RANBP17: variants seen among roughly 807,000 people sequenced by gnomAD.
The protein encoded by RANBP17 is RAN binding protein 17, also known as ran-binding protein 17.
A neutral mutation model predicts 141.2 loss-of-function variants in RANBP17; 158 were observed. The ratio of observed to expected loss-of-function variants is 1.12; its 90% CI spans 0.98 to 1.28. The LOEUF is 1.28. RANBP17 is among the 50% of genes most tolerant of loss of function. The pLI is 0.00. For missense variants in RANBP17, 1,438 were observed against 1,290.7 expected (o/e 1.11, Z -1.75); for synonymous variants, 430 against 450.0 (o/e 0.96, Z 0.56).
intron 13 of RANBP17, among the ~76,000 whole-genome samples, chr5:170,960,773 A>G (rs1349603321): frequency 6.6e-6 from 1 of 152,214 alleles, no homozygotes; most frequent in Non-Finnish European, 1.5e-5. Context: ...GATGAACAAC[A>G]TGGCTTATCA....
At chr5:171,118,137 G>A (rs1005945704) in intron 14 of RANBP17, among the ~76,000 whole-genome samples, 2 of 152,034 alleles carry the variant, frequency 1.3e-5, no homozygotes, top group African/African-American at 2.4e-5. Flanking sequence ...CTTACATTTA[G>A]GTCTTTGATC....
intron 18 of RANBP17, among the ~76,000 whole-genome samples, chr5:171,185,429 A>G (rs1761168968): frequency 6.6e-6 from 1 of 152,212 alleles, no homozygotes. Context: ...CATTTGACCC[A>G]CAGGAGAACT....
At chr5:170,932,648 C>T (rs1773491977) in intron 12 of RANBP17, among the ~76,000 whole-genome samples, 1 of 152,090 alleles carries the variant, frequency 6.6e-6, no homozygotes, top group African/African-American at 2.4e-5. Context: ...AAGGCCTTTT[C>T]TGCATCTATT....
At chr5:171,148,325 C>A (rs1419503893) in intron 14 of RANBP17, among the ~76,000 whole-genome samples, 1 of 152,034 alleles carries the variant, frequency 6.6e-6, no homozygotes, top group Non-Finnish European at 1.5e-5. Context: ...ACCTTCCCTC[C>A]ACTATTGTCC....
Position 170,893,717 on chromosome 5 carries a change from C to T in RANBP17, c.423+1164C>T, listed in dbSNP as rs191320529. Among the ~76,000 whole-genome samples, 1,138 of 151,644 alleles carry T rather than the reference C, an allele frequency of 7.5e-3. 13 individuals are homozygous for T. The highest frequency in any genetic ancestry group is 0.026 in the African/African-American group (1,073 of 41,332). On this transcript the variant is annotated intron_variant, in intron 4 of 27. Transcript: ENST00000523189. Reference sequence around the variant, plus strand: ...CTGAGGCAGGAGAATGGCGTGAACCCGGTAGACGGAGCTTGCAGTGAGCGG... The same window carrying T: ...CTGAGGCAGGAGAATGGCGTGAACCTGGTAGACGGAGCTTGCAGTGAGCGG...
chr5:171,090,208 G>T (rs1299966509), intron 14 of RANBP17, among the ~76,000 whole-genome samples: 1 of 152,180 alleles, frequency 6.6e-6, no homozygotes, highest in African/African-American at 2.4e-5. Context: ...ATAATGATAT[G>T]GACAGTGAAA....
chr5:171,037,229 T>C (rs1346109098), intron 14 of RANBP17, among the ~76,000 whole-genome samples: 1 of 152,162 alleles, frequency 6.6e-6, no homozygotes, highest in African/African-American at 2.4e-5. Context: ...CATGTGTTTG[T>C]TGGCTGCTTA....
At chr5:171,178,411 G>A (rs534090548) in intron 16 of RANBP17, among the ~76,000 whole-genome samples, 72 of 151,910 alleles carry the variant, frequency 4.7e-4, no homozygotes, top group African/African-American at 1.7e-3. Flanking sequence ...TTCTTTATCC[G>A]GTCTATCATT....
chr5:171,244,382 C>CA (rs996316508), intron 24 of RANBP17, among the ~76,000 whole-genome samples: 83 of 151,256 alleles, frequency 5.5e-4, no homozygotes, highest in Non-Finnish European at 2.1e-4. Context: ...ATCTCAAAAA[C>CA]AAAAAAAGGA....
chr5:171,174,749 A>C (rs1191262849), intron 16 of RANBP17, among the ~76,000 whole-genome samples: 1 of 91,284 alleles, frequency 1.1e-5, no homozygotes, highest in Non-Finnish European at 2.2e-5. Flanking sequence ...AAAAATATCT[A>C]GAGTGTGTGT....
intron 22 of RANBP17, among the ~76,000 whole-genome samples, chr5:171,234,217 A>G (rs1314774232): frequency 1.3e-5 from 2 of 152,202 alleles, no homozygotes; most frequent in Admixed American, 6.6e-5. Flanking sequence ...AGACCAGTCT[A>G]GGCTGAGGAA....
intron 14 of RANBP17, among the ~76,000 whole-genome samples, chr5:170,974,375 T>C (rs1213157473): frequency 1.3e-5 from 2 of 152,162 alleles, no homozygotes. Context: ...CAGCATTAAA[T>C]CTTCAGGCTC....
chr5:171,175,602 A>G (rs768225536), intron 16 of RANBP17, among the ~76,000 whole-genome samples: 2 of 152,140 alleles, frequency 1.3e-5, no homozygotes, highest in Non-Finnish European at 2.9e-5. Context: ...AAACAACCCC[A>G]TCAAAAAGTG....
At chr5:171,079,014 T>A (rs537793739) in intron 14 of RANBP17, among the ~76,000 whole-genome samples, 5 of 152,352 alleles carry the variant, frequency 3.3e-5, no homozygotes, top group African/African-American at 1.2e-4. Context: ...CAAAGTAAAT[T>A]GAAAACCTTC....
chr5:171,118,852 G>A (rs1487350186), intron 14 of RANBP17, among the ~76,000 whole-genome samples: 2 of 152,042 alleles, frequency 1.3e-5, no homozygotes, highest in Non-Finnish European at 2.9e-5. Context: ...CTGTATATAG[G>A]ATCATGTCAT....
chr5:171,186,521 A>ATTTT (rs1243325206), intron 18 of RANBP17, among the ~76,000 whole-genome samples: 6 of 29,510 alleles, frequency 2.0e-4, no homozygotes, highest in Admixed American at 9.5e-4. Flanking sequence ...CACTGGTATG[A>ATTTT]TTTTCTTTTT....
At position 171,236,153 on chromosome 5, in the gene RANBP17, G is replaced by T. The variant is rs1017011569; in HGVS notation, c.2423-4775G>T. On this transcript the variant is annotated intron_variant, in intron 22 of 27. Coordinates refer to ENST00000523189, the MANE Select transcript of RANBP17 (RefSeq NM_022897.5). ...AGTGGCCTGAAGTAAAGGAATGTCA[G>T]CAAGTTGCAGTTCTCTTCGCATAAC... Among the ~76,000 whole-genome samples, 16 of 152,280 alleles carry T rather than the reference G, an allele frequency of 1.1e-4. No individual in the cohort carries two copies. The East Asian group carries it at 3.1e-3, about 29-fold the overall frequency.
intron 14 of RANBP17, among the ~76,000 whole-genome samples, chr5:171,004,507 G>T (rs1255966314): frequency 1.3e-5 from 2 of 152,142 alleles, no homozygotes; most frequent in African/African-American, 4.8e-5. Context: ...AGGGAAACAG[G>T]CCCTTGAAAA....
chr5:170,933,859 G>A (rs1410390645), intron 12 of RANBP17, among the ~76,000 whole-genome samples: 7 of 152,184 alleles, frequency 4.6e-5, no homozygotes, highest in Non-Finnish European at 1.0e-4. Context: ...TGGAATAAGT[G>A]CGATGTGGTG....
Sources: gnomAD v4.1 joint callset for allele counts (sites outside exome capture counted in the v4.1 genomes callset) on GRCh38, gnomAD v4.1.1 for gene constraint, MANE v1.5 for transcripts, NCBI Gene and HGNC (gene_info 2026-07-23, HGNC 2026-07-21) for gene names.